Variants in LPAR1 observed in about 807,000 individuals in gnomAD.
LPAR1 encodes LPA receptor 1.
LPAR1 carries 5 observed loss-of-function variants against 23.8 expected under a neutral mutation model. The ratio of observed to expected loss-of-function variants is 0.21; its 90% CI spans 0.11 to 0.44. The LOEUF is 0.44. LPAR1 is among the 20% of genes least tolerant of loss of function. LPAR1 has a pLI of 0.99. For missense variants in LPAR1, 311 were observed against 482.8 expected (o/e 0.64, Z 3.33); for synonymous variants, 160 against 164.7 (o/e 0.97, Z 0.22).
At chr9:111,000,698 C>A (rs1271464267) in intron 2 of LPAR1, among the ~76,000 whole-genome samples, 2 of 152,184 alleles carry the variant, frequency 1.3e-5, no homozygotes, top group East Asian at 3.9e-4. Context: ...CCCACACTGT[C>A]CAATATGATA....
At chr9:111,000,134 C>T (rs1358652858) in intron 2 of LPAR1, among the ~76,000 whole-genome samples, 1 of 152,214 alleles carries the variant, frequency 6.6e-6, no homozygotes, top group Non-Finnish European at 1.5e-5. Context: ...CAGGGAGACA[C>T]ATTCTTCAGT....
Position 111,022,825 on chromosome 9 carries a change from C to T in LPAR1, c.-182+13297G>A, listed in dbSNP as rs547233643. Among the ~76,000 whole-genome samples, 23 of 151,898 alleles carry T rather than the reference C, an allele frequency of 1.5e-4. No individual in the cohort carries two copies. The South Asian group carries it at 2.7e-3, about 18-fold the overall frequency. ...CAGCACTTTGGGAGGCCAAGGCGGG[C>T]GGATTACGAGGTCAGGAGATCGAGA... is the stretch of plus-strand genomic sequence containing the variant. On this transcript the variant is annotated intron_variant, in intron 2 of 5. Transcript: ENST00000683809.
Position 110,905,601 on chromosome 9 carries a change from C to T in LPAR1, c.794-29879G>A, listed in dbSNP as rs565155088. Among the ~76,000 whole-genome samples, 22 of 152,176 alleles carry T rather than the reference C, an allele frequency of 1.4e-4. No individual in the cohort carries two copies. The East Asian group carries it at 4.3e-3, about 29-fold the overall frequency. ...AACTCCAGACCTCATGATCCGCCCA[C>T]CTCGGCCTCCCAAAGTGCTGGGATT... On this transcript the variant is annotated intron_variant, in intron 5 of 5. Transcript: ENST00000683809.
chr9:110,984,803 GA>G (rs574292244), intron 2 of LPAR1, among the ~76,000 whole-genome samples: 4,705 of 142,562 alleles, frequency 0.033, 245 homozygotes, highest in African/African-American at 0.11. Flanking sequence ...TAACTAATAG[GA>G]AAAAAAAAAA....
At chr9:110,984,669 A>G (rs2096743055) in intron 2 of LPAR1, among the ~76,000 whole-genome samples, 1 of 152,018 alleles carries the variant, frequency 6.6e-6, no homozygotes, top group Admixed American at 6.6e-5. Flanking sequence ...CACATAATAC[A>G]ACTACTCATA....
intron 2 of LPAR1, among the ~76,000 whole-genome samples, chr9:111,033,692 C>T (rs1169378676): frequency 6.6e-6 from 1 of 152,198 alleles, no homozygotes; most frequent in Admixed American, 6.5e-5. Flanking sequence ...GCTGGGATTA[C>T]AGGCGCCCAG....
chr9:110,926,053 T>A (rs999290344), intron 5 of LPAR1, among the ~76,000 whole-genome samples: 5 of 152,214 alleles, frequency 3.3e-5, no homozygotes, highest in Non-Finnish European at 5.9e-5. Flanking sequence ...CCTGAGTAGC[T>A]TGGACTACAG....
chr9:110,959,170 C>CA lies in LPAR1; in HGVS notation c.45+12902dup, dbSNP rs1186318362. ...AAAAAACAGTATGAAGATGTCTCTA[C>CA]AAAAAAAAAAAAAAACCACTAAAAC... On this transcript the variant is annotated intron_variant, in intron 4 of 5. Coordinates refer to ENST00000683809, the MANE Select transcript of LPAR1 (RefSeq NM_001351411.2). Among the ~76,000 whole-genome samples the CA allele has an allele frequency of 1.9e-3, 155 of 81,142 alleles. 2 individuals are homozygous for CA. Among genetic ancestry groups the CA allele is most frequent in the African/African-American group, 3.3e-3 (64 of 19,318 alleles). 53.2% of individuals were successfully genotyped at this position (81,142 alleles called of 152,430 possible). A position where few individuals can be genotyped will look rare whatever the true frequency, so the allele number is the denominator to read the frequency against.
intron 2 of LPAR1, among the ~76,000 whole-genome samples, chr9:111,015,747 G>C (rs891024155): frequency 2.6e-5 from 4 of 151,772 alleles, no homozygotes; most frequent in African/African-American, 9.7e-5. Context: ...TGAAATGGAG[G>C]AAAAATAAAG....
upstream of LPAR1, among the ~76,000 whole-genome samples, chr9:111,038,897 C>T (rs545001922): frequency 2.6e-5 from 4 of 152,306 alleles, no homozygotes; most frequent in Admixed American, 2.6e-4. This position sits in a 1 kb window ranked among gnomAD's most constrained non-coding sequence, Gnocchi z 4.4. Flanking sequence ...GGCAGGACTC[C>T]GGTGGACGCC....
chr9:110,909,765 A>T (rs200353723), intron 5 of LPAR1, among the ~76,000 whole-genome samples: 7 of 106,456 alleles, frequency 6.6e-5, no homozygotes, highest in Admixed American at 2.9e-4. Context: ...ATTTATTTAG[A>T]GAGAGGGTCT....
intron 5 of LPAR1, among the ~76,000 whole-genome samples, chr9:110,929,860 G>A (rs933657470): frequency 4.6e-5 from 7 of 151,808 alleles, no homozygotes; most frequent in Admixed American, 2.6e-4. Context: ...GGCTAAATTC[G>A]GCAATTCATA....
At position 110,905,543 on chromosome 9, in the gene LPAR1, T is replaced by C. The variant is rs201140351; in HGVS notation, c.794-29821A>G. On this transcript the variant is annotated intron_variant, in intron 5 of 5. Transcript: ENST00000683809. ...TTATTATTATTATTTTTAGTAGAGA[T>C]GGGGTTTCACCATGTTGGCCAGGCT... 2.0e-5 allele frequency among the ~76,000 whole-genome samples: 3 copies of C among 151,978 alleles called. No homozygotes were observed. The East Asian group carries it at 5.8e-4, about 30-fold the overall frequency.
intron 5 of LPAR1, among the ~76,000 whole-genome samples, chr9:110,894,919 G>A (rs1181058876): frequency 1.3e-5 from 2 of 152,144 alleles, no homozygotes; most frequent in East Asian, 1.9e-4. Flanking sequence ...ATGGGAGGCC[G>A]AGGTGGGGGA....
At chr9:110,944,644 G>A (rs915628185) in intron 4 of LPAR1, among the ~76,000 whole-genome samples, 5 of 151,926 alleles carry the variant, frequency 3.3e-5, no homozygotes, top group Admixed American at 6.6e-5. Flanking sequence ...AGAGAAAAAC[G>A]ATAAAGTTAA....
intron 2 of LPAR1, among the ~76,000 whole-genome samples, chr9:111,012,494 CAT>C (rs1359575661): frequency 2.0e-5 from 3 of 150,800 alleles, no homozygotes; most frequent in East Asian, 1.9e-4. Flanking sequence ...CACACACACA[CAT>C]ACACACTCAG....
At chr9:110,929,859 C>T (rs10817112) in intron 5 of LPAR1, among the ~76,000 whole-genome samples, 32,778 of 151,892 alleles carry the variant, frequency 0.22, 4,338 homozygotes, top group Admixed American at 0.29. Context: ...TGGCTAAATT[C>T]GGCAATTCAT....
At chr9:110,921,711 GT>G (rs2135173865) in intron 5 of LPAR1, among the ~76,000 whole-genome samples, 3 of 152,316 alleles carry the variant, frequency 2.0e-5, no homozygotes, top group African/African-American at 7.2e-5. Context: ...CAGCATACAG[GT>G]GGTCTTGTTG....
intron 4 of LPAR1, among the ~76,000 whole-genome samples, chr9:110,958,240 T>A (rs1413590439): frequency 6.6e-6 from 1 of 152,064 alleles, no homozygotes; most frequent in African/African-American, 2.4e-5. Context: ...CCAAAATTCA[T>A]ACAGAACCAA....
Sources: allele counts gnomAD v4.1 joint callset (sites outside exome capture counted in the v4.1 genomes callset), GRCh38; gene constraint gnomAD v4.1.1; non-coding constraint Gnocchi (gnomAD v3.1); transcripts MANE v1.5; gene names NCBI Gene and HGNC (gene_info 2026-07-23, HGNC 2026-07-21).